ABHD2: variants seen among roughly 807,000 people sequenced by gnomAD.
The protein encoded by ABHD2 is abhydrolase domain containing 2, acylglycerol lipase.
In ABHD2, 20 loss-of-function variants were observed where a neutral mutation model predicts 48.1. The ratio of observed to expected loss-of-function variants is 0.42; its 90% CI spans 0.29 to 0.60. The LOEUF is 0.60. Ranked by LOEUF, ABHD2 falls within the 20% of genes least tolerant of loss-of-function variation. The pLI is 0.24. For missense variants in ABHD2, 405 were observed against 550.9 expected (o/e 0.74, Z 2.65); for synonymous variants, 209 against 214.2 (o/e 0.98, Z 0.21).
chr15:89,140,585 A>G (rs117690654), intron 3 of ABHD2, among the ~76,000 whole-genome samples: 2 of 151,886 alleles, frequency 1.3e-5, no homozygotes. Context: ...AGAGACCCCC[A>G]CACACACACA....
chr15:89,126,245 T>G (rs754645633), intron 3 of ABHD2, among the ~76,000 whole-genome samples: 4 of 152,220 alleles, frequency 2.6e-5, no homozygotes, highest in Non-Finnish European at 4.4e-5. Flanking sequence ...AAGGTCCTGT[T>G]TTGAGTCACC....
At chr15:89,070,992 C>T in the ABHD2 span, among the ~76,000 whole-genome samples, 2 of 152,106 alleles carry the variant, frequency 1.3e-5, no homozygotes, top group Non-Finnish European at 2.9e-5. Context: ...CCCGCTTGCT[C>T]TCTGTGGTAG....
chr15:89,100,418 C>A lies in ABHD2; in HGVS notation c.-107+11855C>A, dbSNP rs2049683017. ...CTCCCACTTGCCCGAAGCCACACAA[C>A]TAGTAAGTAGTGTAGCTGCAGTTCA... On this transcript the variant is annotated intron_variant, in intron 1 of 10. Coordinates refer to ENST00000352732, the MANE Select transcript of ABHD2 (RefSeq NM_152924.5). This position sits in a 1 kb window ranked among gnomAD's most constrained non-coding sequence, Gnocchi z 4.4. Among the ~76,000 whole-genome samples, 1 of 152,046 alleles carries A rather than the reference C, an allele frequency of 6.6e-6. No individual in the cohort carries two copies. Among genetic ancestry groups the A allele is most frequent in the Non-Finnish European group, 1.5e-5 (1 of 68,024 alleles).
Position 89,201,375 on chromosome 15 carries a change from G to T in ABHD2, c.*5952G>T. ...CCGTCTTGCTTAGATGCATTCAGTG[G>T]GACAGCTTTGCTGGGTTCCATGTCA... is the stretch of plus-strand genomic sequence containing the variant. On this transcript the variant is annotated 3_prime_UTR_variant, in exon 11 of 11. Transcript: ENST00000352732. 9.2e-7 allele frequency: 1 copy of T among 1,091,216 alleles called. No homozygotes were observed. Among genetic ancestry groups the T allele is most frequent in the Non-Finnish European group, 1.4e-6 (1 of 716,814 alleles). 67.6% of individuals were successfully genotyped at this position (1,091,216 alleles called of 1,614,324 possible). A position where few individuals can be genotyped will look rare whatever the true frequency, so the allele number is the denominator to read the frequency against.
rs148647924 is a variant in ABHD2 at position 89,197,204 on chromosome 15, G to A, written c.*1781G>A. Reference sequence around the variant, plus strand: ...TTTTCTGACAATCACCAAATCATCCGAATGACATCAAAAGCAGCCCTTATC... The same window carrying A: ...TTTTCTGACAATCACCAAATCATCCAAATGACATCAAAAGCAGCCCTTATC... On this transcript the variant is annotated 3_prime_UTR_variant, in exon 11 of 11. Transcript: ENST00000352732. This position sits in a 1 kb window ranked among gnomAD's most constrained non-coding sequence, Gnocchi z 4.4. 545 of 152,740 alleles carry A rather than the reference G, an allele frequency of 3.6e-3. 1 individual carries two copies. Among genetic ancestry groups the A allele is most frequent in the Non-Finnish European group, 5.1e-3 (350 of 68,036 alleles). 9.5% of individuals were successfully genotyped at this position (152,740 alleles called of 1,614,324 possible).
At position 89,115,370 on chromosome 15, in the gene ABHD2, A is replaced by ATGTG. The variant is rs1164718189; in HGVS notation, c.-6-894_-6-891dup. Among the ~76,000 whole-genome samples the ATGTG allele has an allele frequency of 1.4e-3, 140 of 100,652 alleles. 1 individual carries two copies. Among genetic ancestry groups the ATGTG allele is most frequent in the Admixed American group, 7.9e-3 (87 of 10,960 alleles). 66.0% of individuals were successfully genotyped at this position (100,652 alleles called of 152,430 possible). Reference sequence around the variant, plus strand: ...TGTTTGGTTTTATATGTTTGGAGGTATGTGTGTGTGTGTGTGTGTGTGTGT... The same window carrying ATGTG: ...TGTTTGGTTTTATATGTTTGGAGGTATGTGTGTGTGTGTGTGTGTGTGTGTGTGT... On this transcript the variant is annotated intron_variant, in intron 2 of 10. Coordinates refer to ENST00000352732, the MANE Select transcript of ABHD2 (RefSeq NM_152924.5).
the ABHD2 span, among the ~76,000 whole-genome samples, chr15:89,071,939 C>T: frequency 6.6e-6 from 1 of 152,196 alleles, no homozygotes; most frequent in Non-Finnish European, 1.5e-5. Context: ...GGGTGACCAA[C>T]CTCAGTTACC....
chr15:89,073,332 G>A, the ABHD2 span, among the ~76,000 whole-genome samples: 6 of 152,314 alleles, frequency 3.9e-5, no homozygotes, highest in African/African-American at 1.4e-4. Context: ...GTCTTGCTCT[G>A]TTGCCCAGGC....
At chr15:89,187,231 A>C (rs1471697172) in intron 7 of ABHD2, among the ~76,000 whole-genome samples, 1 of 152,212 alleles carries the variant, frequency 6.6e-6, no homozygotes, top group Non-Finnish European at 1.5e-5. Context: ...GCTACTAATT[A>C]GTCTAGAAGG....
intron 9 of ABHD2, among the ~76,000 whole-genome samples, chr15:89,191,754 G>C (rs975367923): frequency 2.7e-5 from 4 of 150,774 alleles, no homozygotes; most frequent in African/African-American, 9.8e-5. Context: ...TCAGCCTCCT[G>C]AGTAGCTGGG....
rs559650963 is a variant in ABHD2, at chr15:89,137,823, G to C, written c.195-13854G>C. ...GCCATTTTGAGATGAAAGGCCCAAG[G>C]TGTTTGTTCCTGAAGCTAATGAGGA... is the stretch of plus-strand genomic sequence containing the variant. On this transcript the variant is annotated intron_variant, in intron 3 of 10. Coordinates refer to ENST00000352732, the MANE Select transcript of ABHD2 (RefSeq NM_152924.5). The surrounding 1 kb of genome is among the most constrained non-coding windows in gnomAD (Gnocchi z 4.8). Among the ~76,000 whole-genome samples the C allele has an allele frequency of 6.6e-6, 1 of 152,338 alleles. No homozygotes were observed. Among genetic ancestry groups the C allele is most frequent in the East Asian group, 1.9e-4 (1 of 5,190 alleles).
chr15:89,200,064 T>TC lies in ABHD2; in HGVS notation c.*4645dup, dbSNP rs2051450910. On this transcript the variant is annotated 3_prime_UTR_variant, in exon 11 of 11. Coordinates refer to ENST00000352732, the MANE Select transcript of ABHD2 (RefSeq NM_152924.5). The stretch of plus-strand genomic sequence containing the variant: ...CAGCTGCTCCTTTTGGAAGAGTCAG[T>TC]CCCCTGTGTTTTCTGAACTGTTTTT... The TC allele has an allele frequency of 2.0e-5, 3 of 152,354 alleles. No homozygotes were observed. Among genetic ancestry groups the TC allele is most frequent in the Admixed American group, 2.0e-4 (3 of 15,296 alleles). The allele number at this position is 152,354 out of a possible 1,614,324, so 9.4% of individuals were successfully genotyped here. A position where few individuals can be genotyped will look rare whatever the true frequency, so the allele number is the denominator to read the frequency against.
rs1379865834 is a variant in ABHD2, at chr15:89,120,128, G to GATT, written c.194+3609_194+3611dup. ...ATCGAAAGCATGCTCGAGGAGCAGG[G>GATT]ATTACTGTTTTCCCCCTCAGCATTA... On this transcript the variant is annotated intron_variant, in intron 3 of 10. Transcript: ENST00000352732. This position sits in a 1 kb window ranked among gnomAD's most constrained non-coding sequence, Gnocchi z 4.2. 6.6e-6 allele frequency among the ~76,000 whole-genome samples: 1 copy of GATT among 152,186 alleles called. No individual in the cohort carries two copies. Among genetic ancestry groups the GATT allele is most frequent in the Non-Finnish European group, 1.5e-5 (1 of 68,032 alleles).
chr15:89,158,123 G>C (rs975424875), intron 5 of ABHD2, among the ~76,000 whole-genome samples: 2 of 152,162 alleles, frequency 1.3e-5, no homozygotes, highest in African/African-American at 4.8e-5. Flanking sequence ...CTGTGTGCCA[G>C]TGGGAACACT....
chr15:89,049,445 T>C, the ABHD2 span, among the ~76,000 whole-genome samples: 1 of 152,254 alleles, frequency 6.6e-6, no homozygotes, highest in Admixed American at 6.5e-5. Context: ...CTGCTTTGTT[T>C]ACCTAAGGAA....
At chr15:89,113,225 G>T (rs1418135398) in intron 1 of ABHD2, among the ~76,000 whole-genome samples, 1 of 152,124 alleles carries the variant, frequency 6.6e-6, no homozygotes, top group East Asian at 1.9e-4. Context: ...TTTGCTTTTG[G>T]CCCTGTTCTG....
In ABHD2 at chr15:89,185,190, G is replaced by T. The variant is rs546254947; in HGVS notation, c.723-234G>T. On this transcript the variant is annotated intron_variant, in intron 6 of 10. Transcript: ENST00000352732. The surrounding 1 kb of genome is among the most constrained non-coding windows in gnomAD (Gnocchi z 5.9). ...GGGTGCCACCAACAAAGCCTCTGGC[G>T]CTAGAGAGGGCCTTTGCCGGGGTCC... 6.6e-6 allele frequency among the ~76,000 whole-genome samples: 1 copy of T among 152,316 alleles called. No individual in the cohort carries two copies. Among genetic ancestry groups the T allele is most frequent in the African/African-American group, 2.4e-5 (1 of 41,574 alleles).
At chr15:89,131,028 G>T (rs1271878260) in intron 3 of ABHD2, among the ~76,000 whole-genome samples, 1 of 152,148 alleles carries the variant, frequency 6.6e-6, no homozygotes, top group Non-Finnish European at 1.5e-5. Flanking sequence ...CTGCTTCACT[G>T]CAGGACGTCA....
the ABHD2 span, chr15:89,041,374 G>A: frequency 6.6e-6 from 1 of 152,214 alleles, no homozygotes; most frequent in African/African-American, 2.4e-5. Context: ...CTTTTCTTCT[G>A]AGTTTCGGAT....
Sources: gnomAD v4.1 joint callset for allele counts (sites outside exome capture counted in the v4.1 genomes callset) on GRCh38, gnomAD v4.1.1 for gene constraint, Gnocchi (gnomAD v3.1) non-coding constraint, MANE v1.5 for transcripts, NCBI Gene and HGNC (gene_info 2026-07-23, HGNC 2026-07-21) for gene names.